KCNIP4: variants seen among roughly 807,000 people sequenced by gnomAD.
The protein encoded by KCNIP4 is Kv channel-interacting protein 4.
KCNIP4 carries 12 observed loss-of-function variants against 34.0 expected under a neutral mutation model. The observed-to-expected ratio is 0.35, with a 90% CI of 0.23 to 0.57. KCNIP4 has a LOEUF of 0.57. KCNIP4 is among the 20% of genes least tolerant of loss of function. KCNIP4 has a pLI of 0.83. For synonymous variants in KCNIP4, 124 were observed against 102.2 expected, an observed-to-expected ratio of 1.21 and a Z score of -1.29; for missense variants, 238 against 311.7, an observed-to-expected ratio of 0.76 and a Z score of 1.78.
At chr4:20,762,002 C>T (rs1053588853) in intron 3 of KCNIP4, among the ~76,000 whole-genome samples, 1 of 152,178 alleles carries the variant, frequency 6.6e-6, no homozygotes, top group Admixed American at 6.5e-5. Flanking sequence ...CATGGAACCT[C>T]TATCCAACTA....
chr4:21,822,028 G>A (rs1225216566), intron 1 of KCNIP4, among the ~76,000 whole-genome samples: 5 of 152,012 alleles, frequency 3.3e-5, no homozygotes, highest in East Asian at 1.9e-4. Flanking sequence ...CACAGAAGAC[G>A]TCTCCAACTT....
At chr4:21,557,276 T>C (rs958042531) in intron 1 of KCNIP4, among the ~76,000 whole-genome samples, 10 of 152,156 alleles carry the variant, frequency 6.6e-5, no homozygotes, top group African/African-American at 2.4e-4. Context: ...ATGTAATTAC[T>C]TTGACTATTT....
At chr4:21,249,027 G>T (rs973869157) in intron 1 of KCNIP4, among the ~76,000 whole-genome samples, 1 of 151,968 alleles carries the variant, frequency 6.6e-6, no homozygotes, top group Non-Finnish European at 1.5e-5. Flanking sequence ...ACAATCTAGT[G>T]GACAACATTT....
chr4:20,968,178 G>T (rs567896320), intron 1 of KCNIP4, among the ~76,000 whole-genome samples: 2 of 152,178 alleles, frequency 1.3e-5, no homozygotes, highest in Non-Finnish European at 2.9e-5. Context: ...ATGAAAAAAT[G>T]CTCATCATCA....
At chr4:21,567,656 A>G (rs1386205598) in intron 1 of KCNIP4, among the ~76,000 whole-genome samples, 1 of 152,196 alleles carries the variant, frequency 6.6e-6, no homozygotes, top group African/African-American at 2.4e-5. Context: ...AAAGATAACT[A>G]AAATACATAA....
chr4:21,422,824 C>T (rs917502994), intron 1 of KCNIP4, among the ~76,000 whole-genome samples: 12 of 152,094 alleles, frequency 7.9e-5, no homozygotes, highest in Non-Finnish European at 1.8e-4. Flanking sequence ...AGAAGCCTTA[C>T]TTAGAGAACT....
intron 1 of KCNIP4, among the ~76,000 whole-genome samples, chr4:21,562,385 G>C (rs1158933099): frequency 6.6e-6 from 1 of 151,930 alleles, no homozygotes; most frequent in Admixed American, 6.6e-5. Flanking sequence ...TGATATTAAA[G>C]AGCCATTACC....
Position 21,588,119 on chromosome 4 carries a change from A to G in KCNIP4, c.61+360452T>C, listed in dbSNP as rs568935637. On this transcript the variant is annotated intron_variant, in intron 1 of 8. Coordinates refer to ENST00000382152, the MANE Select transcript of KCNIP4 (RefSeq NM_025221.6). Reference sequence around the variant, plus strand: ...TGAGAGCCCTTAAATATTTAAAGACATATGTCATATCTTGGCTAAGAGTTA... The same window carrying G: ...TGAGAGCCCTTAAATATTTAAAGACGTATGTCATATCTTGGCTAAGAGTTA... 2.3e-3 allele frequency among the ~76,000 whole-genome samples: 343 copies of G among 152,200 alleles called. 1 individual carries two copies. Among genetic ancestry groups the G allele is most frequent in the African/African-American group, 8.0e-3 (332 of 41,568 alleles).
chr4:21,488,108 T>C (rs181693115), intron 1 of KCNIP4, among the ~76,000 whole-genome samples: 3 of 152,304 alleles, frequency 2.0e-5, no homozygotes, highest in Non-Finnish European at 4.4e-5. Flanking sequence ...TACTAACCCA[T>C]CTATATGTAT....
At chr4:21,847,842 C>T (rs1011857713) in intron 1 of KCNIP4, 1 of 152,000 alleles carries the variant, frequency 6.6e-6, no homozygotes, top group Non-Finnish European at 1.5e-5. Context: ...CTTTCCCTGT[C>T]TCATTTCCTT....
intron 1 of KCNIP4, among the ~76,000 whole-genome samples, chr4:21,278,885 C>A (rs1386956382): frequency 6.6e-6 from 1 of 152,138 alleles, no homozygotes; most frequent in South Asian, 2.1e-4. Flanking sequence ...TAAATGCAAT[C>A]GTATGCTATC....
chr4:21,076,983 G>T (rs1745546609), intron 1 of KCNIP4, among the ~76,000 whole-genome samples: 1 of 152,018 alleles, frequency 6.6e-6, no homozygotes, highest in South Asian at 2.1e-4. Flanking sequence ...AAATTAGCTG[G>T]GCGTGATGGC....
chr4:21,815,289 A>G (rs1312092199), intron 1 of KCNIP4, among the ~76,000 whole-genome samples: 1 of 152,188 alleles, frequency 6.6e-6, no homozygotes, highest in African/African-American at 2.4e-5. Flanking sequence ...GTGCTAATAT[A>G]AAATGAAGAT....
At chr4:21,035,633 T>G (rs771699500) in intron 1 of KCNIP4, among the ~76,000 whole-genome samples, 1 of 152,212 alleles carries the variant, frequency 6.6e-6, no homozygotes. Context: ...TATGACATAG[T>G]GGAGACTGTT....
At chr4:20,933,147 G>A (rs1730658516) in intron 1 of KCNIP4, among the ~76,000 whole-genome samples, 1 of 152,056 alleles carries the variant, frequency 6.6e-6, no homozygotes, top group Non-Finnish European at 1.5e-5. Flanking sequence ...TCGAGGCTGA[G>A]ACAGGAAAAT....
At chr4:20,812,253 A>G (rs1409139200) in intron 3 of KCNIP4, among the ~76,000 whole-genome samples, 1 of 152,184 alleles carries the variant, frequency 6.6e-6, no homozygotes, top group Non-Finnish European at 1.5e-5. Context: ...GAAAAAGGGA[A>G]AGAAAATCCA....
intron 1 of KCNIP4, among the ~76,000 whole-genome samples, chr4:21,647,416 AGACT>A (rs1308159699): frequency 6.6e-6 from 1 of 152,174 alleles, no homozygotes; most frequent in Non-Finnish European, 1.5e-5. Flanking sequence ...TCAATAAAAA[AGACT>A]GATTGGAAGG....
intron 1 of KCNIP4, among the ~76,000 whole-genome samples, chr4:21,709,842 C>T (rs756898365): frequency 1.3e-5 from 2 of 152,172 alleles, no homozygotes; most frequent in African/African-American, 2.4e-5. Context: ...CCCTTTTGTG[C>T]TAAAATGTCC....
chr4:20,946,019 T>C (rs1013436687), intron 1 of KCNIP4, among the ~76,000 whole-genome samples: 4 of 152,146 alleles, frequency 2.6e-5, no homozygotes, highest in Non-Finnish European at 5.9e-5. Flanking sequence ...CTGTTGATAG[T>C]ATCCACTCAT....
Sources: gnomAD v4.1 joint callset for allele counts (sites outside exome capture counted in the v4.1 genomes callset) on GRCh38, gnomAD v4.1.1 for gene constraint, MANE v1.5 for transcripts, NCBI Gene and HGNC (gene_info 2026-07-23, HGNC 2026-07-21) for gene names.